DENND4A: variants seen among roughly 807,000 people sequenced by gnomAD.
DENND4A encodes the protein C-myc promoter-binding protein.
In DENND4A, 70 loss-of-function variants were observed where a neutral mutation model predicts 199.3. That is an observed-to-expected ratio of 0.35 (90% CI 0.29 to 0.43). DENND4A has a LOEUF of 0.43. DENND4A is among the 20% of genes least tolerant of loss of function. The probability of loss-of-function intolerance (pLI) is 1.00; values close to 1 mark genes in which losing one functional copy is unlikely to be tolerated. For synonymous variants in DENND4A, 686 were observed against 766.9 expected, an observed-to-expected ratio of 0.89 and a Z score of 1.74; for missense variants, 1,723 against 2,255.8, an observed-to-expected ratio of 0.76 and a Z score of 4.78.
chr15:65,769,078 A>C (rs190046483), intron 1 of DENND4A, among the ~76,000 whole-genome samples: 1 of 152,054 alleles, frequency 6.6e-6, no homozygotes, highest in Non-Finnish European at 1.5e-5. Context: ...CTGGTTTCCA[A>C]TGTGAGGCTG....
Position 65,737,691 on chromosome 15 carries a change from A to G in DENND4A, c.1040+16T>C. On this transcript the variant is annotated intron_variant, in intron 7 of 32. Transcript: ENST00000443035. ...GAAAGATCTGTCAAATGTTGAACCA[A>G]GAACACTTAACTTACTTCTCAATTG... 6.4e-7 allele frequency: 1 copy of G among 1,554,342 alleles called. No homozygotes were observed. Among genetic ancestry groups the G allele is most frequent in the Non-Finnish European group, 8.7e-7 (1 of 1,149,090 alleles).
intron 4 of DENND4A, among the ~76,000 whole-genome samples, chr15:65,748,051 AAAAAAAAAAAAAGG>A: frequency 6.8e-6 from 1 of 147,834 alleles, no homozygotes; most frequent in South Asian, 2.1e-4. Flanking sequence ...AAAAAAAAAA[AAAAAAAAAAAAAGG>A]AAAAAAAAAA....
intron 1 of DENND4A, among the ~76,000 whole-genome samples, chr15:65,764,972 C>CAAAAAAAA (rs35902836): frequency 1.0e-5 from 1 of 95,882 alleles, no homozygotes. Context: ...ACCCTGTCTC[C>CAAAAAAAA]AAAAAAAAAA....
chr15:65,718,549 A>G (rs2075487568), intron 12 of DENND4A, among the ~76,000 whole-genome samples: 1 of 152,012 alleles, frequency 6.6e-6, no homozygotes, highest in Non-Finnish European at 1.5e-5. Context: ...TATTTTGCAC[A>G]TGCCCTGAGA....
intron 7 of DENND4A, among the ~76,000 whole-genome samples, chr15:65,737,155 C>T (rs771700158): frequency 6.6e-6 from 1 of 152,058 alleles, no homozygotes; most frequent in Non-Finnish European, 1.5e-5. Context: ...CTCTGCTTCC[C>T]GGGTTCAAGT....
chr15:65,779,876 G>T (rs1490740911), intron 1 of DENND4A, among the ~76,000 whole-genome samples: 1 of 151,960 alleles, frequency 6.6e-6, no homozygotes, highest in African/African-American at 2.4e-5. Flanking sequence ...GATTACAGGC[G>T]TGAGCCACAG....
intron 14 of DENND4A, among the ~76,000 whole-genome samples, chr15:65,707,676 TATAC>T (rs2075105952): frequency 6.6e-6 from 1 of 151,782 alleles, no homozygotes; most frequent in Admixed American, 6.6e-5. Flanking sequence ...TACTAAATCG[TATAC>T]ATATTATGAT....
At position 65,670,208 on chromosome 15, in the gene DENND4A, T is replaced by C; in HGVS notation, c.4465-20A>G. 6.8e-7 allele frequency: 1 copy of C among 1,461,036 alleles called. No homozygotes were observed. The highest frequency in any genetic ancestry group is 2.4e-5 in the East Asian group (1 of 42,106). The allele number at this position is 1,461,036 out of a possible 1,614,324, so 90.5% of individuals were successfully genotyped here. On this transcript the variant is annotated intron_variant, in intron 25 of 32. Coordinates refer to ENST00000443035, the MANE Select transcript of DENND4A (RefSeq NM_001320835.1). ...GAGAACCTGTGGGAGAAGATAGCAC[T>C]TTATAAAGAAAGCTGGTTAATTCAG...
chr15:65,711,587 G>GT (rs1353046277), intron 14 of DENND4A, among the ~76,000 whole-genome samples: 1 of 152,192 alleles, frequency 6.6e-6, no homozygotes, highest in East Asian at 1.9e-4. Flanking sequence ...AAGTCTGTTT[G>GT]TAAGTAGGTT....
chr15:65,781,037 G>C (rs2077423480), intron 1 of DENND4A, among the ~76,000 whole-genome samples: 1 of 152,180 alleles, frequency 6.6e-6, no homozygotes, highest in South Asian at 2.1e-4. Flanking sequence ...GCGTTCTAGA[G>C]AAAGTAATGC....
intron 1 of DENND4A, among the ~76,000 whole-genome samples, chr15:65,767,789 ATATAT>A (rs1387930930): frequency 1.3e-5 from 2 of 152,180 alleles, no homozygotes; most frequent in East Asian, 3.8e-4. Context: ...CTTAAAACAT[ATATAT>A]TAAAGTTAGC....
intron 14 of DENND4A, among the ~76,000 whole-genome samples, chr15:65,714,610 A>G (rs540969181): frequency 1.3e-5 from 2 of 152,114 alleles, no homozygotes; most frequent in South Asian, 4.2e-4. Flanking sequence ...TCTCTCATCT[A>G]TATGAAATTC....
chr15:65,745,266 A>G (rs1489811465), intron 4 of DENND4A, among the ~76,000 whole-genome samples: 1 of 152,228 alleles, frequency 6.6e-6, no homozygotes, highest in Non-Finnish European at 1.5e-5. Context: ...GTGAAAGAGA[A>G]TAATATTCAA....
intron 1 of DENND4A, chr15:65,772,167 A>C (rs542164723): frequency 2.0e-4 from 137 of 701,568 alleles, no homozygotes; most frequent in East Asian, 1.4e-3. Context: ...TTTTATTTTC[A>C]ATTACATTAG....
At chr15:65,731,384 T>C (rs888480396) in intron 9 of DENND4A, 5 of 512,652 alleles carry the variant, frequency 9.8e-6, no homozygotes, top group Admixed American at 6.8e-5. Flanking sequence ...TCTACATACA[T>C]AAATACACAC....
intron 14 of DENND4A, among the ~76,000 whole-genome samples, chr15:65,706,820 A>G (rs1424523427): frequency 2.0e-5 from 3 of 152,152 alleles, no homozygotes; most frequent in Non-Finnish European, 4.4e-5. Flanking sequence ...ATTTACATAA[A>G]GAAATACTAG....
intron 1 of DENND4A, among the ~76,000 whole-genome samples, chr15:65,773,709 C>A (rs1415598163): frequency 1.3e-5 from 2 of 152,202 alleles, no homozygotes; most frequent in Non-Finnish European, 2.9e-5. Flanking sequence ...GAAGACTGGT[C>A]ACTTTTGTCG....
intron 1 of DENND4A, among the ~76,000 whole-genome samples, chr15:65,769,520 C>T (rs144394623): frequency 5.3e-5 from 8 of 152,060 alleles, no homozygotes; most frequent in South Asian, 4.1e-4. Flanking sequence ...TTATCAGATA[C>T]GCAAATAAGC....
chr15:65,684,756 T>C (rs1475465593), intron 23 of DENND4A, among the ~76,000 whole-genome samples: 1 of 152,044 alleles, frequency 6.6e-6, no homozygotes, highest in African/African-American at 2.4e-5. Flanking sequence ...TCTGGTATCA[T>C]ACCTAAGAAT....
Sources: allele counts gnomAD v4.1 joint callset (sites outside exome capture counted in the v4.1 genomes callset), GRCh38; gene constraint gnomAD v4.1.1; transcripts MANE v1.5; gene names NCBI Gene and HGNC (gene_info 2026-07-23, HGNC 2026-07-21).